ZDHHC14: variants seen among roughly 807,000 people sequenced by gnomAD.
The protein encoded by ZDHHC14 is palmitoyltransferase ZDHHC14.
Under a neutral mutation model 47.7 loss-of-function variants are expected in ZDHHC14, and 16 were observed. That is an observed-to-expected ratio of 0.34 (90% CI 0.23 to 0.51). The LOEUF is 0.51. Ranked by LOEUF, ZDHHC14 falls within the 20% of genes least tolerant of loss-of-function variation. The pLI, the probability that ZDHHC14 is intolerant of heterozygous loss-of-function variation, is 0.97. For missense variants in ZDHHC14, 515 were observed against 662.5 expected (o/e 0.78, Z 2.44); for synonymous variants, 293 against 278.9 (o/e 1.05, Z -0.50).
At chr6:157,566,849 ATTTT>A (rs34288957) in intron 2 of ZDHHC14, among the ~76,000 whole-genome samples, 4 of 136,696 alleles carry the variant, frequency 2.9e-5, no homozygotes, top group Middle Eastern at 3.4e-3. Context: ...AGCAAGGGGA[ATTTT>A]TTTTTTTTTT....
chr6:157,563,799 C>T (rs1347334910), intron 2 of ZDHHC14, among the ~76,000 whole-genome samples: 2 of 152,324 alleles, frequency 1.3e-5, no homozygotes, highest in African/African-American at 2.4e-5. Flanking sequence ...TGTGGGGCTG[C>T]GGTGAGTGAG....
At chr6:157,423,235 A>T (rs1778145565) in intron 1 of ZDHHC14, among the ~76,000 whole-genome samples, 1 of 152,206 alleles carries the variant, frequency 6.6e-6, no homozygotes, top group Non-Finnish European at 1.5e-5. Flanking sequence ...AATGGGATGA[A>T]TGAAGCCCCA....
chr6:157,611,093 G>T (rs911548092), intron 3 of ZDHHC14, among the ~76,000 whole-genome samples: 1 of 152,154 alleles, frequency 6.6e-6, no homozygotes, highest in Non-Finnish European at 1.5e-5. Flanking sequence ...CCACCTCCCG[G>T]GTTCAAGCCA....
At chr6:157,404,296 C>A (rs1777700955) in intron 1 of ZDHHC14, among the ~76,000 whole-genome samples, 1 of 152,036 alleles carries the variant, frequency 6.6e-6, no homozygotes, top group South Asian at 2.1e-4. Context: ...GCCACCATGT[C>A]CGGCTAATTT....
chr6:157,544,180 A>G (rs17165424), intron 2 of ZDHHC14, among the ~76,000 whole-genome samples: 61,934 of 152,038 alleles, frequency 0.41, 12,692 homozygotes, highest in Admixed American at 0.45. Context: ...TCAAAACTGT[A>G]TGGTTTATGC....
In ZDHHC14 at chr6:157,521,359, C is replaced by G. The variant is rs532118596; in HGVS notation, c.246-21226C>G. ...GACTTGTGTGGTTTCTACACTGCAC[C>G]TTAGCTTTAGAGCAGGACGCTTCTG... On this transcript the variant is annotated intron_variant, in intron 1 of 8. Transcript: ENST00000359775. 3.9e-5 allele frequency among the ~76,000 whole-genome samples: 6 copies of G among 152,334 alleles called. No homozygotes were observed. In the East Asian group the frequency reaches 1.2e-3, roughly 29 times the overall value.
chr6:157,657,343 C>T (rs1164513301), intron 8 of ZDHHC14, among the ~76,000 whole-genome samples: 4 of 152,182 alleles, frequency 2.6e-5, no homozygotes, highest in Non-Finnish European at 4.4e-5. Context: ...CCACTGCACA[C>T]GGCCATTCAT....
intron 1 of ZDHHC14, among the ~76,000 whole-genome samples, chr6:157,494,397 A>G (rs1168692088): frequency 6.6e-6 from 1 of 152,236 alleles, no homozygotes; most frequent in East Asian, 1.9e-4. Context: ...CTTTCTGCCT[A>G]GACATCCAAA....
intron 1 of ZDHHC14, among the ~76,000 whole-genome samples, chr6:157,528,510 T>C (rs1781243406): frequency 6.6e-6 from 1 of 151,842 alleles, no homozygotes; most frequent in Non-Finnish European, 1.5e-5. Flanking sequence ...GGCGGGCAGA[T>C]CACGAGGTCA....
chr6:157,596,890 A>G (rs1784155495), intron 3 of ZDHHC14, among the ~76,000 whole-genome samples: 1 of 152,172 alleles, frequency 6.6e-6, no homozygotes, highest in African/African-American at 2.4e-5. Flanking sequence ...AACTGATTAC[A>G]ACAAGAAGCG....
chr6:157,579,971 C>A (rs1020359017), intron 2 of ZDHHC14, among the ~76,000 whole-genome samples: 12 of 152,186 alleles, frequency 7.9e-5, no homozygotes, highest in African/African-American at 2.4e-4. Flanking sequence ...TGCCAGCTTT[C>A]AAGGCGAATG....
chr6:157,409,924 G>C (rs1247095165), intron 1 of ZDHHC14, among the ~76,000 whole-genome samples: 1 of 152,092 alleles, frequency 6.6e-6, no homozygotes, highest in Non-Finnish European at 1.5e-5. Context: ...TGCCTCCCGG[G>C]TTTAAGCGAT....
intron 1 of ZDHHC14, among the ~76,000 whole-genome samples, chr6:157,513,140 A>T (rs1780555158): frequency 6.6e-6 from 1 of 152,248 alleles, no homozygotes; most frequent in African/African-American, 2.4e-5. Flanking sequence ...AGCCCAGGAC[A>T]CCAGGGGAGA....
chr6:157,471,329 C>G (rs879602895), intron 1 of ZDHHC14, among the ~76,000 whole-genome samples: 6 of 152,210 alleles, frequency 3.9e-5, no homozygotes, highest in Admixed American at 3.9e-4. Context: ...AGGGACTCAG[C>G]TTTGACTACG....
chr6:157,439,959 T>C (rs190622571), intron 1 of ZDHHC14, among the ~76,000 whole-genome samples: 1 of 151,986 alleles, frequency 6.6e-6, no homozygotes, highest in East Asian at 1.9e-4. Flanking sequence ...AGCTGAACAA[T>C]GTGAACACAT....
chr6:157,394,107 C>G (rs1352238868), intron 1 of ZDHHC14, among the ~76,000 whole-genome samples: 1 of 152,200 alleles, frequency 6.6e-6, no homozygotes, highest in Non-Finnish European at 1.5e-5. Context: ...CAGGAAAGAA[C>G]ATTTCCTGGG....
intron 2 of ZDHHC14, among the ~76,000 whole-genome samples, chr6:157,566,595 T>C (rs1782911291): frequency 6.6e-6 from 1 of 152,122 alleles, no homozygotes; most frequent in Non-Finnish European, 1.5e-5. Context: ...CGAATGACAC[T>C]CTGGCGGGCT....
intron 1 of ZDHHC14, among the ~76,000 whole-genome samples, chr6:157,521,265 G>T (rs1174932937): frequency 6.6e-6 from 1 of 152,198 alleles, no homozygotes; most frequent in Non-Finnish European, 1.5e-5. Context: ...TTTGGAGTCT[G>T]GGTCTTCCAG....
intron 1 of ZDHHC14, among the ~76,000 whole-genome samples, chr6:157,511,148 C>T (rs898353540): frequency 9.2e-5 from 14 of 152,142 alleles, no homozygotes; most frequent in Non-Finnish European, 1.5e-4. Context: ...AGGGCCCTGC[C>T]GTGGGGGCAA....
Sources: allele counts gnomAD v4.1 joint callset (sites outside exome capture counted in the v4.1 genomes callset), GRCh38; gene constraint gnomAD v4.1.1; transcripts MANE v1.5; gene names NCBI Gene and HGNC (gene_info 2026-07-23, HGNC 2026-07-21).